Variants in NAALADL2 observed in about 807,000 individuals in gnomAD.
NAALADL2 encodes the protein N-acetylated alpha-linked acidic dipeptidase like 2, also known as inactive N-acetylated-alpha-linked acidic dipeptidase-like protein 2.
In NAALADL2, 76 loss-of-function variants were observed where a neutral mutation model predicts 87.2. The observed-to-expected ratio is 0.87, with a 90% CI of 0.72 to 1.05. The LOEUF (loss-of-function observed/expected upper bound fraction) is 1.05, where lower values mean the gene tolerates loss of function less well. Ranked by LOEUF, NAALADL2 falls within the 50% of genes least tolerant of loss-of-function variation. The pLI, the probability that NAALADL2 is intolerant of heterozygous loss-of-function variation, is 0.00. For missense variants in NAALADL2, 1,089 were observed against 945.8 expected (o/e 1.15, Z -1.99); for synonymous variants, 354 against 331.0 (o/e 1.07, Z -0.75).
intron 4 of NAALADL2, among the ~76,000 whole-genome samples, chr3:175,316,464 T>C (rs748745846): frequency 8.5e-5 from 13 of 152,168 alleles, no homozygotes; most frequent in Non-Finnish European, 1.3e-4. Flanking sequence ...TATAGTTATT[T>C]GAGAGAGATA....
intron 9 of NAALADL2, among the ~76,000 whole-genome samples, chr3:175,575,726 C>T (rs1166568244): frequency 2.0e-5 from 3 of 152,164 alleles, no homozygotes; most frequent in African/African-American, 7.2e-5. Flanking sequence ...TAAATATCGT[C>T]AGAGTCATCA....
intron 3 of NAALADL2, among the ~76,000 whole-genome samples, chr3:174,771,097 T>C (rs1409796772): frequency 6.6e-6 from 1 of 152,218 alleles, no homozygotes; most frequent in Non-Finnish European, 1.5e-5. Context: ...TATCTGGGTG[T>C]CTATTTCTAT....
intron 1 of NAALADL2, among the ~76,000 whole-genome samples, chr3:174,492,564 C>G (rs1166455957): frequency 6.6e-6 from 1 of 152,048 alleles, no homozygotes; most frequent in Non-Finnish European, 1.5e-5. Context: ...CTGAAAGCAA[C>G]ATCCACATGC....
intron 9 of NAALADL2, among the ~76,000 whole-genome samples, chr3:175,507,631 C>T (rs1331493173): frequency 6.6e-6 from 1 of 152,116 alleles, no homozygotes; most frequent in Non-Finnish European, 1.5e-5. Flanking sequence ...ACCATGTTGG[C>T]CAGGCTGGTC....
At chr3:174,888,912 A>G (rs1015403176) in intron 1 of NAALADL2, among the ~76,000 whole-genome samples, 6 of 152,226 alleles carry the variant, frequency 3.9e-5, no homozygotes, top group African/African-American at 1.2e-4. Context: ...TTGCGTGACA[A>G]TAAAACCATT....
chr3:175,774,571 GAAAA>G (rs929994471), intron 13 of NAALADL2, among the ~76,000 whole-genome samples: 2 of 148,554 alleles, frequency 1.3e-5, no homozygotes, highest in African/African-American at 2.5e-5. Flanking sequence ...TTTGTTTGCA[GAAAA>G]AAAAAATAAT....
chr3:174,910,302 T>TTG (rs911724252), intron 1 of NAALADL2, among the ~76,000 whole-genome samples: 2 of 152,026 alleles, frequency 1.3e-5, no homozygotes, highest in African/African-American at 4.8e-5. Context: ...CTTAAAGTCT[T>TTG]TGTGTGTGTG....
At chr3:174,788,401 C>T (rs1171970408) in intron 3 of NAALADL2, among the ~76,000 whole-genome samples, 9 of 152,148 alleles carry the variant, frequency 5.9e-5, no homozygotes, top group Admixed American at 5.9e-4. Context: ...GCTTAAGTAA[C>T]ACAAATTTAT....
intron 1 of NAALADL2, among the ~76,000 whole-genome samples, chr3:174,989,752 C>A (rs1333431178): frequency 6.6e-6 from 1 of 152,088 alleles, no homozygotes; most frequent in Admixed American, 6.5e-5. Flanking sequence ...CCGAGTCAGG[C>A]AAGACTACTT....
At chr3:174,656,058 T>C (rs1302760386) in intron 2 of NAALADL2, among the ~76,000 whole-genome samples, 1 of 152,204 alleles carries the variant, frequency 6.6e-6, no homozygotes. Context: ...TCTAAAATAT[T>C]ATGTTTTGGC....
chr3:174,537,927 A>G (rs1426176320), intron 1 of NAALADL2, among the ~76,000 whole-genome samples: 1 of 152,192 alleles, frequency 6.6e-6, no homozygotes, highest in Non-Finnish European at 1.5e-5. Flanking sequence ...TAAATGGAAT[A>G]TATTTCCTAG....
intron 9 of NAALADL2, among the ~76,000 whole-genome samples, chr3:175,496,664 C>G (rs1341222146): frequency 6.6e-6 from 1 of 152,060 alleles, no homozygotes; most frequent in Non-Finnish European, 1.5e-5. Context: ...AGGTGTCTCT[C>G]CCACCTCAAC....
intron 3 of NAALADL2, among the ~76,000 whole-genome samples, chr3:174,824,864 C>CA (rs1216135367): frequency 1.3e-5 from 2 of 152,030 alleles, no homozygotes; most frequent in African/African-American, 2.4e-5. Context: ...TGTAACTCAT[C>CA]AAAAAAATAA....
At chr3:175,174,583 C>G (rs1735405395) in intron 2 of NAALADL2, among the ~76,000 whole-genome samples, 1 of 151,880 alleles carries the variant, frequency 6.6e-6, no homozygotes, top group Admixed American at 6.6e-5. Flanking sequence ...ATAAGTGTGT[C>G]AAATATGATA....
intron 1 of NAALADL2, among the ~76,000 whole-genome samples, chr3:174,483,694 TGTA>T (rs1478664308): frequency 5.9e-5 from 9 of 152,136 alleles, no homozygotes; most frequent in African/African-American, 1.7e-4. Context: ...TCTGAAATAA[TGTA>T]AATCTTAACT....
At chr3:175,215,517 T>A (rs189504852) in intron 2 of NAALADL2, among the ~76,000 whole-genome samples, 1 of 152,132 alleles carries the variant, frequency 6.6e-6, no homozygotes, top group Non-Finnish European at 1.5e-5. Flanking sequence ...TTTTCCTCAT[T>A]GCCCAGTGTT....
At chr3:175,023,426 T>G (rs563596002) in intron 1 of NAALADL2, among the ~76,000 whole-genome samples, 1 of 152,090 alleles carries the variant, frequency 6.6e-6, no homozygotes, top group Non-Finnish European at 1.5e-5. Flanking sequence ...GTGTCTGTCA[T>G]AAAGTTTATA....
intron 11 of NAALADL2, among the ~76,000 whole-genome samples, chr3:175,628,268 C>T (rs935336541): frequency 3.3e-5 from 5 of 151,638 alleles, no homozygotes; most frequent in African/African-American, 7.2e-5. Flanking sequence ...CAGTTGTAGG[C>T]TAATGTAAGT....
chr3:175,158,603 TTATAAAGTATTTTG>T (rs1449342904), intron 2 of NAALADL2, among the ~76,000 whole-genome samples: 4 of 152,104 alleles, frequency 2.6e-5, no homozygotes, highest in African/African-American at 9.6e-5. Context: ...ATATTTGGCT[TTATAAAGTATTTTG>T]ATAATTTTCA....
Sources: allele counts gnomAD v4.1 joint callset (sites outside exome capture counted in the v4.1 genomes callset), GRCh38; gene constraint gnomAD v4.1.1; transcripts MANE v1.5; gene names NCBI Gene and HGNC (gene_info 2026-07-23, HGNC 2026-07-21).